PAPPA2: variants seen among roughly 807,000 people sequenced by gnomAD.
PAPPA2 encodes pappalysin 2.
PAPPA2 carries 86 observed loss-of-function variants against 176.4 expected under a neutral mutation model. The observed-to-expected ratio is 0.49, with a 90% confidence interval of 0.41 to 0.58. The LOEUF (loss-of-function observed/expected upper bound fraction) is 0.58. Ranked by LOEUF, PAPPA2 falls within the 20% of genes least tolerant of loss-of-function variation. The pLI is 0.00. For synonymous variants in PAPPA2, 809 were observed against 852.2 expected (o/e 0.95, Z 0.88); for missense variants, 2,073 against 2,256.9 (o/e 0.92, Z 1.65).
At chr1:176,607,878 C>G (rs530134826) in intron 3 of PAPPA2, among the ~76,000 whole-genome samples, 1 of 152,098 alleles carries the variant, frequency 6.6e-6, no homozygotes, top group Non-Finnish European at 1.5e-5. Context: ...TCTGCCTAGC[C>G]GTTTTTAATT....
At chr1:176,558,016 T>C (rs1369131469) in intron 2 of PAPPA2, among the ~76,000 whole-genome samples, 2 of 152,188 alleles carry the variant, frequency 1.3e-5, no homozygotes, top group Non-Finnish European at 2.9e-5. Flanking sequence ...TTGCTTTTCA[T>C]GGAAAGTCAC....
intron 3 of PAPPA2, among the ~76,000 whole-genome samples, chr1:176,651,185 T>C (rs1431583662): frequency 6.6e-6 from 1 of 151,696 alleles, no homozygotes; most frequent in Non-Finnish European, 1.5e-5. Flanking sequence ...ACAGTATTAA[T>C]GTATTCTGCA....
chr1:176,556,229 A>T lies in PAPPA2; in HGVS notation c.-94A>T. The T allele has an allele frequency of 9.3e-6, 13 of 1,393,588 alleles. No individual in the cohort carries two copies. Among genetic ancestry groups the T allele is most frequent in the Non-Finnish European group, 1.2e-5 (12 of 1,026,516 alleles). The allele number at this position is 1,393,588 out of a possible 1,614,324, so 86.3% of individuals were successfully genotyped here. A position where few individuals can be genotyped will look rare whatever the true frequency, so the allele number is the denominator to read the frequency against. On this transcript the variant is annotated 5_prime_UTR_variant, in exon 2 of 23. Transcript: ENST00000367662. ...AAAACAGTTTCCCTGGTGACTGCAA[A>T]TCCATTGCTAGCTGCCTCTTTCTCG...
At chr1:176,538,118 CA>C (rs1650169210) in intron 1 of PAPPA2, among the ~76,000 whole-genome samples, 1 of 152,114 alleles carries the variant, frequency 6.6e-6, no homozygotes, top group Admixed American at 6.5e-5. Flanking sequence ...GTTTTGACCT[CA>C]TGATTTCTCA....
intron 21 of PAPPA2, among the ~76,000 whole-genome samples, chr1:176,816,227 ATG>A (rs1236613939): frequency 1.4e-4 from 8 of 56,500 alleles, no homozygotes; most frequent in East Asian, 1.1e-3. Flanking sequence ...TATAAAATTT[ATG>A]TGTGTGTGTG....
intron 15 of PAPPA2, among the ~76,000 whole-genome samples, chr1:176,767,922 G>T (rs1049096009): frequency 6.6e-6 from 1 of 152,218 alleles, no homozygotes; most frequent in South Asian, 2.1e-4. Flanking sequence ...ACAGAAAAAT[G>T]TGTCTGGCTT....
At chr1:176,783,642 C>CG (rs927256017) in intron 17 of PAPPA2, among the ~76,000 whole-genome samples, 169 of 152,230 alleles carry the variant, frequency 1.1e-3, no homozygotes, top group African/African-American at 3.4e-3. Context: ...CCCCTAACCC[C>CG]GACTCCTCGT....
intron 1 of PAPPA2, among the ~76,000 whole-genome samples, chr1:176,546,830 G>A (rs541588513): frequency 6.6e-6 from 1 of 152,248 alleles, no homozygotes; most frequent in East Asian, 1.9e-4. Flanking sequence ...ATTACTTTTG[G>A]AAAAATGCTG....
chr1:176,714,161 A>G (rs577460718), intron 12 of PAPPA2, among the ~76,000 whole-genome samples: 1 of 152,144 alleles, frequency 6.6e-6, no homozygotes, highest in South Asian at 2.1e-4. Flanking sequence ...TGAAAAAAAA[A>G]TCCATGGCCC....
chr1:176,593,206 G>A (rs1487823591), intron 2 of PAPPA2, among the ~76,000 whole-genome samples: 1 of 152,152 alleles, frequency 6.6e-6, no homozygotes, highest in Non-Finnish European at 1.5e-5. Context: ...TGGAAATATA[G>A]CCACTTGTAA....
chr1:176,501,271 A>G (rs1647947001), intron 1 of PAPPA2, among the ~76,000 whole-genome samples: 1 of 152,070 alleles, frequency 6.6e-6, no homozygotes, highest in Admixed American at 6.6e-5. Context: ...TCTGATAAAT[A>G]TCTCCCTATT....
rs1491431130 is a variant in PAPPA2, at chr1:176,702,742, A to ATT, written c.3365+10_3365+11dup. 7.5e-7 allele frequency: 1 copy of ATT among 1,327,428 alleles called. No individual in the cohort carries two copies. Among genetic ancestry groups the ATT allele is most frequent in the Admixed American group, 1.9e-5 (1 of 53,120 alleles). The allele number at this position is 1,327,428 out of a possible 1,614,324, so 82.2% of individuals were successfully genotyped here. The stretch of plus-strand genomic sequence containing the variant: ...GAGATGGGAAGGTGTCAGAGTGAGT[A>ATT]TTTTGTGTGTGTGTGTGTGTGTGTG... On this transcript the variant is annotated splice_region_variant and intron_variant, in intron 9 of 22. Coordinates refer to ENST00000367662, the MANE Select transcript of PAPPA2 (RefSeq NM_020318.3).
At chr1:176,730,657 GT>G (rs1662101558) in intron 12 of PAPPA2, among the ~76,000 whole-genome samples, 1 of 146,900 alleles carries the variant, frequency 6.8e-6, no homozygotes, top group African/African-American at 2.5e-5. Flanking sequence ...CTGGCTTTTT[GT>G]TTGTCTGGAT....
chr1:176,594,696 G>C lies in PAPPA2; in HGVS notation c.1092G>C (p.Trp364Cys). 6.2e-7 allele frequency: 1 copy of C among 1,614,208 alleles called. No homozygotes were observed. The highest frequency in any genetic ancestry group is 8.5e-7 in the Non-Finnish European group (1 of 1,180,036). ...ISHSRYQPGTWTHVAATYDGR... is the reference protein window; with the variant it reads ...ISHSRYQPGTCTHVAATYDGR... ...ACAGTCGCTACCAACCAGGCACATG[G>C]ACCCATGTGGCAGCCACTTACGATG... is the stretch of plus-strand genomic sequence containing the variant. Residue 364 changes from tryptophan to cysteine, a missense_variant, in exon 3 of 23, where the codon TGG (tryptophan) becomes TGC (cysteine). Trp to Cys is a radical substitution (Grantham distance 215, BLOSUM62 -2). This residue lies in a region of PAPPA2 where 1,196 missense variants were observed against 1,330.4 expected (regional missense o/e 0.90). Coordinates refer to ENST00000367662, the MANE Select transcript of PAPPA2 (RefSeq NM_020318.3).
chr1:176,780,297 A>G (rs1160185234), intron 17 of PAPPA2, among the ~76,000 whole-genome samples: 1 of 146,682 alleles, frequency 6.8e-6, no homozygotes, highest in Non-Finnish European at 1.5e-5. Flanking sequence ...CTTTGTGAAG[A>G]TGCAAAAGTT....
At chr1:176,605,168 G>A (rs762672920) in intron 3 of PAPPA2, among the ~76,000 whole-genome samples, 9 of 152,154 alleles carry the variant, frequency 5.9e-5, no homozygotes, top group Admixed American at 2.6e-4. Context: ...CAATAGCCAG[G>A]AAGTATTAAT....
chr1:176,598,242 G>A (rs1477108115), intron 3 of PAPPA2, among the ~76,000 whole-genome samples: 2 of 151,924 alleles, frequency 1.3e-5, no homozygotes, highest in Non-Finnish European at 2.9e-5. Flanking sequence ...GCTCTGCACA[G>A]GTTACTATAT....
intron 9 of PAPPA2, among the ~76,000 whole-genome samples, chr1:176,702,939 T>C (rs1571200920): frequency 6.6e-6 from 1 of 152,218 alleles, no homozygotes; most frequent in South Asian, 2.1e-4. Context: ...TTGTGTCAGG[T>C]CTTGAGATCT....
At chr1:176,499,907 G>A (rs370166466) in intron 1 of PAPPA2, among the ~76,000 whole-genome samples, 19 of 152,140 alleles carry the variant, frequency 1.2e-4, no homozygotes, top group South Asian at 6.2e-4. Context: ...GGTCTGAGTC[G>A]TGATGTGTCC....
Sources: gnomAD v4.1 joint callset for allele counts (sites outside exome capture counted in the v4.1 genomes callset) on GRCh38, gnomAD v4.1.1 for gene constraint, gnomAD v4.1.1 regional missense constraint, MANE v1.5 for transcripts, NCBI Gene and HGNC (gene_info 2026-07-23, HGNC 2026-07-21) for gene names.